The following CDH11 variants were observed in gnomAD, a reference collection of about 807,000 sequenced individuals.
The protein encoded by CDH11 is cadherin-11.
Under a neutral mutation model 67.8 loss-of-function variants are expected in CDH11, and 11 were observed. The ratio of observed to expected loss-of-function variants is 0.16; its 90% CI spans 0.10 to 0.27. The LOEUF is 0.27. Among genes scored for constraint, CDH11 ranks in the 10% least tolerant of loss-of-function variants. CDH11 has a pLI of 1.00. For synonymous variants in CDH11, 419 were observed against 400.0 expected, an observed-to-expected ratio of 1.05 and a Z score of -0.57; for missense variants, 847 against 1,031.2, an observed-to-expected ratio of 0.82 and a Z score of 2.45.
At chr16:65,081,008 T>C (rs1719987903) in intron 1 of CDH11, among the ~76,000 whole-genome samples, 2 of 152,336 alleles carry the variant, frequency 1.3e-5, no homozygotes, top group Non-Finnish European at 1.5e-5. Context: ...TATTGTATCA[T>C]ACCAGTAAAA....
At chr16:65,041,115 G>C (rs2073859899) in intron 2 of CDH11, among the ~76,000 whole-genome samples, 1 of 152,174 alleles carries the variant, frequency 6.6e-6, no homozygotes, top group African/African-American at 2.4e-5. Context: ...AAAGTGCTGG[G>C]CAATTGTGTA....
At chr16:64,973,174 T>C in intron 8 of CDH11, 134 bp from the exon 9 acceptor site, 1 of 921,204 alleles carries the variant, frequency 1.1e-6, no homozygotes, top group Non-Finnish European at 1.6e-6. Context: ...CTAATCAAAT[T>C]TACTTTTGAA....
At chr16:65,012,012 C>T (rs1182526672) in intron 2 of CDH11, among the ~76,000 whole-genome samples, 1 of 152,160 alleles carries the variant, frequency 6.6e-6, no homozygotes, top group Non-Finnish European at 1.5e-5. Flanking sequence ...CTAGGTTGAA[C>T]TCTGAGGATA....
At chr16:64,952,368 A>G (rs550115256) in intron 11 of CDH11, among the ~76,000 whole-genome samples, 1 of 152,238 alleles carries the variant, frequency 6.6e-6, no homozygotes, top group South Asian at 2.1e-4. Flanking sequence ...TTTTTGTCTG[A>G]TTCATCTCAG....
intron 2 of CDH11, among the ~76,000 whole-genome samples, chr16:65,009,973 T>C (rs906804433): frequency 2.6e-5 from 4 of 152,188 alleles, no homozygotes; most frequent in African/African-American, 7.2e-5. Context: ...GAAAATGACA[T>C]ATACGGGTGT....
At chr16:65,118,678 A>C (rs926377142) in intron 1 of CDH11, 1 of 152,162 alleles carries the variant, frequency 6.6e-6, no homozygotes, top group Non-Finnish European at 1.5e-5. Context: ...ACAGTGCTCA[A>C]ATTTTCTAGG....
intron 6 of CDH11, chr16:64,991,443 A>G: frequency 3.9e-6 from 1 of 258,602 alleles, no homozygotes. Context: ...CCAGGTTAGA[A>G]ATGAGGACAC....
chr16:65,106,603 C>T (rs1489040216), intron 1 of CDH11, among the ~76,000 whole-genome samples: 1 of 152,136 alleles, frequency 6.6e-6, no homozygotes, highest in Non-Finnish European at 1.5e-5. Context: ...CTTAATGCTG[C>T]ATAACAGAGA....
chr16:64,986,554 ATG>A (rs1366672580), intron 7 of CDH11: 1 of 151,902 alleles, frequency 6.6e-6, no homozygotes, highest in Non-Finnish European at 1.5e-5. Flanking sequence ...CAATGTTCAT[ATG>A]TCAGTGTCAA....
rs2071150307 is a variant in CDH11, at chr16:64,943,931, A to G, written c.*3672T>C. ...CATACATAAAGCCAAAAAGCAAAAT[A>G]AGTTTAAAGAGTTGTCATCGATACA... On this transcript the variant is annotated 3_prime_UTR_variant, in exon 13 of 13. Coordinates refer to ENST00000268603, the MANE Select transcript of CDH11 (RefSeq NM_001797.4). 4.3e-6 allele frequency: 1 copy of G among 230,392 alleles called. No homozygotes were observed. The highest frequency in any genetic ancestry group is 8.6e-6 in the Non-Finnish European group (1 of 116,324). The allele number at this position is 230,392 out of a possible 1,614,324, so 14.3% of individuals were successfully genotyped here. A position where few individuals can be genotyped will look rare whatever the true frequency, so the allele number is the denominator to read the frequency against.
intron 1 of CDH11, among the ~76,000 whole-genome samples, chr16:65,099,729 A>G (rs74026258): frequency 0.019 from 2,960 of 152,284 alleles, 138 homozygotes; most frequent in African/African-American, 0.068. Context: ...AAGATTATTT[A>G]AGTCCTTCAT....
At chr16:64,954,971 G>T (rs1205472968) in intron 11 of CDH11, among the ~76,000 whole-genome samples, 2 of 150,984 alleles carry the variant, frequency 1.3e-5, no homozygotes, top group African/African-American at 4.9e-5. Flanking sequence ...AAAAGGCCAG[G>T]CACAGTGGCT....
intron 1 of CDH11, among the ~76,000 whole-genome samples, chr16:65,086,430 T>C (rs2074700420): frequency 6.6e-6 from 1 of 152,214 alleles, no homozygotes; most frequent in African/African-American, 2.4e-5. Flanking sequence ...CTGAAACTGC[T>C]GGCCCAGAAA....
At chr16:65,104,846 C>T (rs1208025369) in intron 1 of CDH11, among the ~76,000 whole-genome samples, 2 of 152,076 alleles carry the variant, frequency 1.3e-5, no homozygotes, top group Non-Finnish European at 2.9e-5. Context: ...AAGAAAGACC[C>T]CAAAAGACAA....
chr16:64,985,387 A>C (rs1391582815), intron 7 of CDH11: 1 of 151,914 alleles, frequency 6.6e-6, no homozygotes, highest in Non-Finnish European at 1.5e-5. Flanking sequence ...AATTTTAACA[A>C]GTTTGTTTGT....
chr16:64,980,360 T>C (rs1280204293), intron 8 of CDH11, among the ~76,000 whole-genome samples: 1 of 152,154 alleles, frequency 6.6e-6, no homozygotes, highest in Non-Finnish European at 1.5e-5. Context: ...TTTGAGACTA[T>C]CCTCTAGTGA....
chr16:65,042,950 T>A (rs923961703), intron 2 of CDH11, among the ~76,000 whole-genome samples: 1 of 152,292 alleles, frequency 6.6e-6, no homozygotes, highest in South Asian at 2.1e-4. Context: ...TGCTACTGAT[T>A]TCCTGGAAGC....
intron 1 of CDH11, among the ~76,000 whole-genome samples, chr16:65,119,384 T>A (rs926090744): frequency 1.3e-5 from 2 of 152,192 alleles, no homozygotes; most frequent in Non-Finnish European, 2.9e-5. Flanking sequence ...CTATTTTTTT[T>A]AAATTTTCAA....
At chr16:65,060,366 G>GAA (rs984210616) in intron 1 of CDH11, among the ~76,000 whole-genome samples, 38 of 151,718 alleles carry the variant, frequency 2.5e-4, no homozygotes, top group Admixed American at 9.2e-4. Context: ...GAGAGAGAGA[G>GAA]AGAGAGACTA....
Sources: gnomAD v4.1 joint callset for allele counts (sites outside exome capture counted in the v4.1 genomes callset) on GRCh38, gnomAD v4.1.1 for gene constraint, MANE v1.5 for transcripts, NCBI Gene and HGNC (gene_info 2026-07-23, HGNC 2026-07-21) for gene names.